The following AGMO variants were observed in gnomAD, a reference collection of about 807,000 sequenced individuals.
The protein encoded by AGMO is glyceryl-ether monooxygenase.
AGMO carries 75 observed loss-of-function variants against 60.2 expected under a neutral mutation model. That is an observed-to-expected ratio of 1.25 (90% CI 1.03 to 1.51). The LOEUF (loss-of-function observed/expected upper bound fraction) is 1.51. Ranked by LOEUF, AGMO falls within the 40% of genes most tolerant of loss-of-function variation. The pLI is 0.00. For synonymous variants in AGMO, 261 were observed against 177.1 expected (o/e 1.47, Z -3.76); for missense variants, 763 against 525.5 (o/e 1.45, Z -4.42).
chr7:15,206,146 G>A (rs573281601), intron 12 of AGMO, among the ~76,000 whole-genome samples: 4 of 151,962 alleles, frequency 2.6e-5, no homozygotes, highest in African/African-American at 7.2e-5. Context: ...TCCTATGAGC[G>A]CAAGAGGACA....
the AGMO span, among the ~76,000 whole-genome samples, chr7:15,166,967 C>T: frequency 6.6e-6 from 1 of 152,024 alleles, no homozygotes; most frequent in African/African-American, 2.4e-5. Flanking sequence ...AGTAGAATGT[C>T]CAGTAGATAC....
chr7:15,466,786 G>C (rs562119565), intron 3 of AGMO, among the ~76,000 whole-genome samples: 39 of 152,266 alleles, frequency 2.6e-4, no homozygotes, highest in Admixed American at 2.6e-3. Flanking sequence ...TTTAAGTACT[G>C]TGTCAGCATT....
At chr7:15,375,948 CATTCT>C (rs1783436338) in intron 10 of AGMO, among the ~76,000 whole-genome samples, 1 of 152,010 alleles carries the variant, frequency 6.6e-6, no homozygotes, top group Non-Finnish European at 1.5e-5. Flanking sequence ...TCAAAGTTAA[CATTCT>C]ATTATTTGAT....
chr7:15,136,569 C>G, the AGMO span, among the ~76,000 whole-genome samples: 3 of 152,012 alleles, frequency 2.0e-5, no homozygotes, highest in Non-Finnish European at 2.9e-5. Context: ...GTATTATGCT[C>G]CTTCTCCATT....
intron 1 of AGMO, 120 bp downstream of exon 1, chr7:15,561,600 A>T: frequency 2.0e-6 from 2 of 1,020,158 alleles, no homozygotes; most frequent in South Asian, 3.0e-5. Context: ...AAACTGAATT[A>T]TTATTATTAG....
chr7:15,496,287 CACTG>C (rs1433802452), intron 3 of AGMO, among the ~76,000 whole-genome samples: 1 of 152,056 alleles, frequency 6.6e-6, no homozygotes, highest in East Asian at 1.9e-4. Context: ...CCAGTTTTGC[CACTG>C]AATAAATGAT....
chr7:15,306,640 G>A, intron 12 of AGMO: 4 of 395,612 alleles, frequency 1.0e-5, no homozygotes, highest in Non-Finnish European at 5.0e-6. Flanking sequence ...ATGGTTTATG[G>A]CACTATTAAG....
chr7:15,270,928 C>G (rs1295826082), intron 12 of AGMO, among the ~76,000 whole-genome samples: 2 of 151,820 alleles, frequency 1.3e-5, no homozygotes, highest in African/African-American at 2.4e-5. Flanking sequence ...GTGTCATTTT[C>G]CCCTTGTTTA....
intron 12 of AGMO, among the ~76,000 whole-genome samples, chr7:15,289,056 C>A (rs1784182627): frequency 6.6e-6 from 1 of 151,538 alleles, no homozygotes; most frequent in South Asian, 2.1e-4. Context: ...TTTAAATTTT[C>A]TTTTCCTATT....
intron 12 of AGMO, among the ~76,000 whole-genome samples, chr7:15,329,140 T>C (rs1358344141): frequency 4.6e-5 from 7 of 152,200 alleles, no homozygotes; most frequent in Non-Finnish European, 8.8e-5. Context: ...CTGTATATTT[T>C]ATTAACTTAT....
At chr7:15,419,286 A>G (rs1174500228) in intron 4 of AGMO, among the ~76,000 whole-genome samples, 1 of 151,988 alleles carries the variant, frequency 6.6e-6, no homozygotes. Context: ...TACAAAGACA[A>G]CTTATGATTA....
chr7:15,165,952 T>C, the AGMO span, among the ~76,000 whole-genome samples: 2 of 152,182 alleles, frequency 1.3e-5, no homozygotes, highest in African/African-American at 2.4e-5. Flanking sequence ...TAGGTATGTA[T>C]ATAAATATGT....
At chr7:15,148,139 TC>T in the AGMO span, among the ~76,000 whole-genome samples, 2 of 152,134 alleles carry the variant, frequency 1.3e-5, no homozygotes, top group Non-Finnish European at 2.9e-5. Context: ...GTTTTACTAC[TC>T]CTTTTTATAT....
At chr7:15,555,514 AC>A (rs1197589055) in intron 2 of AGMO, among the ~76,000 whole-genome samples, 2 of 151,864 alleles carry the variant, frequency 1.3e-5, no homozygotes, top group African/African-American at 4.8e-5. Context: ...AGATAATATT[AC>A]CTTTACCGTC....
rs1227733511 is a variant in AGMO, at chr7:15,322,719, TATAA to T, written c.1263+42791_1263+42794del. ...GAATATGTATAAATATATATAAATA[TATAA>T]ATATATATATAAATATATAAATATA... On this transcript the variant is annotated intron_variant, in intron 12 of 12. Coordinates refer to ENST00000342526, the MANE Select transcript of AGMO (RefSeq NM_001004320.2). Among the ~76,000 whole-genome samples the T allele has an allele frequency of 1.9e-4, 8 of 42,212 alleles. 1 individual carries two copies. In the East Asian group the frequency reaches 4.5e-3, roughly 24 times the overall value. The allele number at this position is 42,212 out of a possible 152,430, so 27.7% of individuals were successfully genotyped here.
chr7:15,366,389 T>C (rs961864563), intron 10 of AGMO, among the ~76,000 whole-genome samples, 167 bp from the exon 11 acceptor site: 1 of 152,174 alleles, frequency 6.6e-6, no homozygotes. Context: ...GTTTTCTTAA[T>C]GTCTTTCAGT....
At chr7:15,339,897 A>G (rs3935326) in intron 12 of AGMO, among the ~76,000 whole-genome samples, 84,678 of 152,088 alleles carry the variant, frequency 0.56, 24,909 homozygotes, top group African/African-American at 0.77. Context: ...GTTCATTATT[A>G]ATATTTAGCT....
At position 15,433,545 on chromosome 7, in the gene AGMO, A is replaced by G. The variant is rs145333219; in HGVS notation, c.410-2437T>C. Among the ~76,000 whole-genome samples the G allele has an allele frequency of 4.2e-3, 647 of 152,238 alleles. 5 individuals are homozygous for G. Among genetic ancestry groups the G allele is most frequent in the African/African-American group, 0.015 (621 of 41,570 alleles). On this transcript the variant is annotated intron_variant, in intron 3 of 12. Coordinates refer to ENST00000342526, the MANE Select transcript of AGMO (RefSeq NM_001004320.2). ...AATGCATTTTATGGAAAGTTATTCC[A>G]GTAGTTCTTTTGTGAACAAAATGAG...
At chr7:15,171,496 T>C in the AGMO span, among the ~76,000 whole-genome samples, 1 of 152,314 alleles carries the variant, frequency 6.6e-6, no homozygotes, top group East Asian at 1.9e-4. Context: ...TAGATTTGGG[T>C]TGTGAGGAGT....
Sources: gnomAD v4.1 joint callset for allele counts (sites outside exome capture counted in the v4.1 genomes callset) on GRCh38, gnomAD v4.1.1 for gene constraint, MANE v1.5 for transcripts, NCBI Gene and HGNC (gene_info 2026-07-23, HGNC 2026-07-21) for gene names.